EFHB: variants seen among roughly 807,000 people sequenced by gnomAD.
The protein encoded by EFHB is EF-hand domain-containing family member B.
A neutral mutation model predicts 87.2 loss-of-function variants in EFHB; 91 were observed. The ratio of observed to expected loss-of-function variants is 1.04; its 90% CI spans 0.88 to 1.24. The LOEUF is 1.24. EFHB is among the 50% of genes most tolerant of loss of function. EFHB has a pLI of 0.00. For missense variants in EFHB, 1,084 were observed against 998.8 expected (o/e 1.09, Z -1.15); for synonymous variants, 325 against 333.6 (o/e 0.97, Z 0.28).
chr3:19,927,494 A>C (rs1695672270), intron 1 of EFHB, among the ~76,000 whole-genome samples: 1 of 152,202 alleles, frequency 6.6e-6, no homozygotes, highest in African/African-American at 2.4e-5. Context: ...CATAAATCCA[A>C]CAGAGCAAAC....
intron 10 of EFHB, among the ~76,000 whole-genome samples, chr3:19,886,878 G>A (rs1694121233): frequency 6.6e-6 from 1 of 151,994 alleles, no homozygotes; most frequent in Non-Finnish European, 1.5e-5. Flanking sequence ...AGTTACTTCT[G>A]AGACAATAAT....
At chr3:19,944,336 T>C (rs1384830754) in intron 1 of EFHB, among the ~76,000 whole-genome samples, 3 of 152,182 alleles carry the variant, frequency 2.0e-5, no homozygotes, top group Admixed American at 2.0e-4. Context: ...ATTTAGAGAT[T>C]TGAGGGCAGT....
At chr3:19,945,254 T>C (rs958883816) in intron 1 of EFHB, among the ~76,000 whole-genome samples, 3 of 152,192 alleles carry the variant, frequency 2.0e-5, no homozygotes, top group Non-Finnish European at 4.4e-5. Flanking sequence ...AGGAATTCTA[T>C]AGAAATAGAA....
intron 1 of EFHB, among the ~76,000 whole-genome samples, chr3:19,929,917 A>C (rs907293467): frequency 2.0e-5 from 3 of 152,218 alleles, no homozygotes; most frequent in African/African-American, 7.2e-5. Flanking sequence ...AGGCTCTCAA[A>C]TAGGAATTTG....
chr3:19,929,925 T>C (rs368845346), intron 1 of EFHB, among the ~76,000 whole-genome samples: 1 of 152,276 alleles, frequency 6.6e-6, no homozygotes, highest in East Asian at 1.9e-4. Flanking sequence ...AAATAGGAAT[T>C]TGAGATTTCA....
intron 2 of EFHB, 95 bp from the exon 3 acceptor site, chr3:19,920,071 A>G (rs1469116020): frequency 7.7e-7 from 1 of 1,297,870 alleles, no homozygotes; most frequent in East Asian, 2.3e-5. Flanking sequence ...CCTTAAGTGC[A>G]TGTATGTAGT....
chr3:19,921,786 C>T (rs901275315), intron 1 of EFHB, among the ~76,000 whole-genome samples: 2 of 151,914 alleles, frequency 1.3e-5, no homozygotes, highest in African/African-American at 4.8e-5. Context: ...TTTTTTAATT[C>T]AGTTGTAAGT....
Position 19,882,548 on chromosome 3 carries a change from A to G in EFHB, c.2328+2T>C. 6.3e-7 allele frequency: 1 copy of G among 1,592,710 alleles called. No homozygotes were observed. Among genetic ancestry groups the G allele is most frequent in the Non-Finnish European group, 8.6e-7 (1 of 1,167,338 alleles). On this transcript the variant is annotated splice_donor_variant, in intron 12 of 12. Coordinates refer to ENST00000295824, the MANE Select transcript of EFHB (RefSeq NM_144715.4). LOFTEE classifies it high-confidence loss of function. Reference sequence around the variant, plus strand: ...CCATTTTTGTATGCTTATATGCTATACCTCTTCTTTTGATCTGGTCTTGAA... The same window carrying G: ...CCATTTTTGTATGCTTATATGCTATGCCTCTTCTTTTGATCTGGTCTTGAA...
Position 19,896,848 on chromosome 3 carries a change from AAG to A in EFHB, c.1571-9_1571-8del. 6.3e-7 allele frequency: 1 copy of A among 1,587,876 alleles called. No homozygotes were observed. Among genetic ancestry groups the A allele is most frequent in the Non-Finnish European group, 8.6e-7 (1 of 1,167,040 alleles). The stretch of plus-strand genomic sequence containing the variant: ...TGGATGAGATCACCAACTCCTATTG[AAG>A]AGAGAAAAAACTTTTTACATAAATT... On this transcript the variant is annotated splice_region_variant and splice_polypyrimidine_tract_variant and intron_variant, in intron 8 of 12. Transcript: ENST00000295824.
chr3:19,888,912 A>G (rs1464192697), intron 9 of EFHB, among the ~76,000 whole-genome samples: 1 of 152,210 alleles, frequency 6.6e-6, no homozygotes, highest in Admixed American at 6.5e-5. Flanking sequence ...AAAGTTTTTA[A>G]TACCTTCTGT....
intron 12 of EFHB, among the ~76,000 whole-genome samples, chr3:19,880,172 T>A (rs1318465165): frequency 6.6e-6 from 1 of 152,142 alleles, no homozygotes; most frequent in Non-Finnish European, 1.5e-5. Context: ...TCCATTTCAG[T>A]CATTTATTGT....
At chr3:19,890,537 C>T (rs1694270588) in intron 9 of EFHB, among the ~76,000 whole-genome samples, 1 of 152,198 alleles carries the variant, frequency 6.6e-6, no homozygotes, top group East Asian at 1.9e-4. Flanking sequence ...GCTACGGCTT[C>T]CAAGCCTGAA....
chr3:19,937,057 T>C (rs1215475927), upstream of EFHB, among the ~76,000 whole-genome samples: 1 of 151,682 alleles, frequency 6.6e-6, no homozygotes, highest in Non-Finnish European at 1.5e-5. Flanking sequence ...TAATCTCAGC[T>C]ACTCGGGAGG....
intron 6 of EFHB, among the ~76,000 whole-genome samples, chr3:19,903,599 G>C (rs1478751836): frequency 6.6e-6 from 1 of 151,926 alleles, no homozygotes; most frequent in East Asian, 1.9e-4. Context: ...TTATGTAAAT[G>C]CTTCATCCAT....
At chr3:19,937,310 A>G (rs1696047761), upstream of EFHB, among the ~76,000 whole-genome samples, 3 of 152,218 alleles carry the variant, frequency 2.0e-5, no homozygotes, top group Admixed American at 6.5e-5. Flanking sequence ...CAGTGTTTAT[A>G]AAGTGCAATG....
At chr3:19,927,447 A>G (rs989554966) in intron 1 of EFHB, among the ~76,000 whole-genome samples, 4 of 152,182 alleles carry the variant, frequency 2.6e-5, no homozygotes, top group Admixed American at 6.5e-5. Context: ...TTCCACATCC[A>G]TGACTGTTTT....
At chr3:19,928,084 C>T (rs1009546228) in intron 1 of EFHB, among the ~76,000 whole-genome samples, 2 of 151,528 alleles carry the variant, frequency 1.3e-5, no homozygotes, top group South Asian at 4.2e-4. Context: ...ATACCAAGCA[C>T]AAAAAGAAAA....
chr3:19,934,193 G>A lies in EFHB; in HGVS notation c.-175C>T. On this transcript the variant is annotated 5_prime_UTR_variant, in exon 1 of 13. Transcript: ENST00000295824. ...TGCCTGCCTCTTAACACCTAGCCGA[G>A]TTCACAGAGGAAAAGATGGAGTCTG... 2 of 1,439,108 alleles carry A rather than the reference G, an allele frequency of 1.4e-6. No homozygotes were observed. Among genetic ancestry groups the A allele is most frequent in the East Asian group, 2.5e-5 (1 of 40,148 alleles). The allele number at this position is 1,439,108 out of a possible 1,614,324, so 89.1% of individuals were successfully genotyped here.
rs7614183 is a variant in EFHB at position 19,882,055 on chromosome 3, A to T, written c.2328+495T>A. Among the ~76,000 whole-genome samples, 904 of 140,170 alleles carry T rather than the reference A, an allele frequency of 6.4e-3. 4 individuals carry two copies. The highest frequency in any genetic ancestry group is 0.013 in the African/African-American group (421 of 33,172). The allele number at this position is 140,170 out of a possible 152,430, so 92.0% of individuals were successfully genotyped here. A position where few individuals can be genotyped will look rare whatever the true frequency, so the allele number is the denominator to read the frequency against. ...AATAAATAAATAAATAAATAAATAA[A>T]TAAATAATTAAATAAGACAGATGTA... is the stretch of plus-strand genomic sequence containing the variant. On this transcript the variant is annotated intron_variant, in intron 12 of 12. Transcript: ENST00000295824.
Sources: allele counts gnomAD v4.1 joint callset (sites outside exome capture counted in the v4.1 genomes callset), GRCh38; gene constraint gnomAD v4.1.1; transcripts MANE v1.5; gene names NCBI Gene and HGNC (gene_info 2026-07-23, HGNC 2026-07-21).